The following SLC6A16 variants were observed in gnomAD, a reference collection of about 807,000 sequenced individuals.
The protein encoded by SLC6A16 is solute carrier family 6 member 16, also known as orphan sodium- and chloride-dependent neurotransmitter transporter NTT5.
A neutral mutation model predicts 65.4 loss-of-function variants in SLC6A16; 54 were observed. The observed-to-expected ratio is 0.83, with a 90% CI of 0.66 to 1.04. The LOEUF (loss-of-function observed/expected upper bound fraction) is 1.04, where lower values mean the gene tolerates loss of function less well. SLC6A16 is among the 50% of genes least tolerant of loss of function. The pLI is 0.00. For missense variants in SLC6A16, 816 were observed against 914.0 expected, an observed-to-expected ratio of 0.89 and a Z score of 1.38; for synonymous variants, 330 against 346.5, an observed-to-expected ratio of 0.95 and a Z score of 0.53.
chr19:49,304,109 C>T (rs886517547), intron 7 of SLC6A16, among the ~76,000 whole-genome samples: 14 of 152,104 alleles, frequency 9.2e-5, no homozygotes, highest in Non-Finnish European at 1.6e-4. Context: ...GACAGGAAAA[C>T]CCAAATATGA....
At chr19:49,337,406 G>A in the SLC6A16 span, among the ~76,000 whole-genome samples, 1 of 152,164 alleles carries the variant, frequency 6.6e-6, no homozygotes, top group Admixed American at 6.5e-5. Context: ...GGGAGGCTGA[G>A]GTGGGAGTCC....
At chr19:49,308,826 G>T (rs1164845406) in intron 7 of SLC6A16, 50 bp downstream of exon 7, 2 of 1,609,004 alleles carry the variant, frequency 1.2e-6, no homozygotes, top group Admixed American at 1.7e-5. Context: ...GGGTCTCAGG[G>T]TTTTAAAGTT....
upstream of SLC6A16, chr19:49,325,193 C>G (rs940706303): frequency 1.1e-5 from 11 of 985,430 alleles, no homozygotes; most frequent in African/African-American, 1.7e-4. Flanking sequence ...CCTCGATCTG[C>G]CTGGCGCGCG....
At position 49,293,947 on chromosome 19, in the gene SLC6A16, T is replaced by TA; in HGVS notation, c.1497dup (p.Ile500TyrfsTer68). The TA allele has an allele frequency of 6.2e-7, 1 of 1,613,734 alleles. No homozygotes were observed. Among genetic ancestry groups the TA allele is most frequent in the Non-Finnish European group, 8.5e-7 (1 of 1,179,994 alleles). On this transcript the variant is annotated frameshift_variant, in exon 9 of 12. Transcript: ENST00000335875. LOFTEE classifies it high-confidence loss of function. ...ATGGCCAGCAACATCAGGAAGAAGA[T>TA]AAAAGACCAGAAGACAGACGGAGGA...
the SLC6A16 span, among the ~76,000 whole-genome samples, chr19:49,331,106 G>T: frequency 1.3e-5 from 2 of 152,086 alleles, no homozygotes; most frequent in Non-Finnish European, 2.9e-5. Context: ...CGAAATTAAG[G>T]TGTCAGCACG....
the SLC6A16 span, chr19:49,335,810 G>T: frequency 2.5e-5 from 37 of 1,490,764 alleles, no homozygotes; most frequent in Non-Finnish European, 3.2e-5. The surrounding 1 kb of genome is among the most constrained non-coding windows in gnomAD (Gnocchi z 4.6). Context: ...GGGCAGGTGG[G>T]AGGGCCTCCC....
chr19:49,290,436 A>G, intron 11 of SLC6A16, 44 bp from the exon 12 acceptor site: 1 of 1,590,026 alleles, frequency 6.3e-7, no homozygotes, highest in African/African-American at 1.3e-5. Context: ...AAAATCCCCA[A>G]GAGAAAAGGA....
At position 49,292,967 on chromosome 19, in the gene SLC6A16, A is replaced by T. The variant is rs930538985; in HGVS notation, c.1778+256T>A. Among the ~76,000 whole-genome samples, 3 of 152,154 alleles carry T rather than the reference A, an allele frequency of 2.0e-5. No individual in the cohort carries two copies. Among genetic ancestry groups the T allele is most frequent in the Non-Finnish European group, 2.9e-5 (2 of 68,028 alleles). On this transcript the variant is annotated intron_variant, in intron 10 of 11. Transcript: ENST00000335875. The surrounding 1 kb of genome is among the most constrained non-coding windows in gnomAD (Gnocchi z 4.3). The stretch of plus-strand genomic sequence containing the variant: ...GGTTATTGTCTCTCTAGACCACTAA[A>T]ATGTAAGCTTTCTGAGAATAGGAAT...
At chr19:49,329,622 CTTTTT>C (rs71180620), upstream of SLC6A16, among the ~76,000 whole-genome samples, 1 of 70,728 alleles carries the variant, frequency 1.4e-5, no homozygotes, top group Admixed American at 1.7e-4. Context: ...AAGGCCTTGT[CTTTTT>C]TTTTTTTTTT....
At position 49,320,747 on chromosome 19, in the gene SLC6A16, A is replaced by C. The variant is rs183510553; in HGVS notation, c.-65+4301T>G. On this transcript the variant is annotated intron_variant, in intron 1 of 11. Coordinates refer to ENST00000335875, the MANE Select transcript of SLC6A16 (RefSeq NM_014037.3). Reference sequence around the variant, plus strand: ...ACTATGAACTTATGAACAACTGTACACCAATAAACTGGATAACCTAGATTA... The same window carrying C: ...ACTATGAACTTATGAACAACTGTACCCCAATAAACTGGATAACCTAGATTA... 6.1e-3 allele frequency among the ~76,000 whole-genome samples: 927 copies of C among 152,328 alleles called. 8 individuals carry two copies. The highest frequency in any genetic ancestry group is 0.021 in the African/African-American group (866 of 41,584).
chr19:49,301,925 A>C (rs749306182), intron 7 of SLC6A16, among the ~76,000 whole-genome samples: 7 of 152,020 alleles, frequency 4.6e-5, no homozygotes, highest in Non-Finnish European at 1.0e-4. Context: ...ATGCCTCCCC[A>C]TCCCCAGGTT....
chr19:49,299,648 G>A (rs1442147287), intron 7 of SLC6A16, among the ~76,000 whole-genome samples: 3 of 146,160 alleles, frequency 2.1e-5, no homozygotes, highest in Non-Finnish European at 4.5e-5. Context: ...TCTATATCCA[G>A]ATACAATAGA....
chr19:49,339,643 C>T, the SLC6A16 span: 1 of 1,430,472 alleles, frequency 7.0e-7, no homozygotes, highest in Non-Finnish European at 9.1e-7. The surrounding 1 kb of genome is among the most constrained non-coding windows in gnomAD (Gnocchi z 4.5). Context: ...CGATCTCCCT[C>T]CCCTTTCTCC....
intron 7 of SLC6A16, among the ~76,000 whole-genome samples, chr19:49,303,043 G>A (rs945918644): frequency 1.3e-5 from 2 of 152,122 alleles, no homozygotes; most frequent in Admixed American, 1.3e-4. Context: ...AAGAGAAAAG[G>A]ACAAAGTTTA....
At chr19:49,303,918 C>A (rs574788624) in intron 7 of SLC6A16, among the ~76,000 whole-genome samples, 1 of 152,184 alleles carries the variant, frequency 6.6e-6, no homozygotes, top group African/African-American at 2.4e-5. Context: ...GACTATGGAA[C>A]AGACAAAATT....
intron 1 of SLC6A16, among the ~76,000 whole-genome samples, chr19:49,317,205 G>A (rs1174407003): frequency 6.6e-6 from 1 of 152,044 alleles, no homozygotes; most frequent in Non-Finnish European, 1.5e-5. Flanking sequence ...GCCAGGCATG[G>A]TGGGACACAC....
intron 1 of SLC6A16, among the ~76,000 whole-genome samples, chr19:49,313,032 G>A (rs1430502333): frequency 2.3e-5 from 3 of 133,266 alleles, no homozygotes; most frequent in East Asian, 2.1e-4. Flanking sequence ...GCAATGAGCC[G>A]AGATCGCACG....
intron 1 of SLC6A16, among the ~76,000 whole-genome samples, chr19:49,319,177 C>T (rs1429395256): frequency 6.6e-6 from 1 of 150,504 alleles, no homozygotes; most frequent in Non-Finnish European, 1.5e-5. Context: ...AGACTGAAAA[C>T]AATTACCAGA....
At position 49,310,044 on chromosome 19, in the gene SLC6A16, G is replaced by T. The variant is rs750198065; in HGVS notation, c.696C>A (p.Gly232=). 2.5e-6 allele frequency: 4 copies of T among 1,613,450 alleles called. No individual in the cohort carries two copies. The highest frequency in any genetic ancestry group is 3.4e-6 in the Non-Finnish European group (4 of 1,179,846). The change falls in exon 4 of 12, where the codon GGC becomes GGA. Residue 232 remains glycine (G), a synonymous_variant. Transcript: ENST00000335875. ...CTTCTTTCACTTCCTCCTCACCAAA[G>T]CCACTAGAGTTCATCGTTAAGGGAC... The part of the protein sequence containing the change: ...EKCPLTMNSS[G]FDPECERTTP...
Sources: gnomAD v4.1 joint callset for allele counts (sites outside exome capture counted in the v4.1 genomes callset) on GRCh38, gnomAD v4.1.1 for gene constraint, Gnocchi (gnomAD v3.1) non-coding constraint, MANE v1.5 for transcripts, NCBI Gene and HGNC (gene_info 2026-07-23, HGNC 2026-07-21) for gene names.